Variants in FAM78B observed in about 807,000 individuals in gnomAD.
The protein encoded by FAM78B is family with sequence similarity 78 member B, also known as protein FAM78B.
In FAM78B, 10 loss-of-function variants were observed where a neutral mutation model predicts 20.0. The ratio of observed to expected loss-of-function variants is 0.50; its 90% CI spans 0.31 to 0.85. FAM78B has a LOEUF of 0.85. Ranked by LOEUF, FAM78B falls within the 40% of genes least tolerant of loss-of-function variation. FAM78B has a pLI of 0.05. For synonymous variants in FAM78B, 135 were observed against 132.8 expected (o/e 1.02, Z -0.12); for missense variants, 283 against 345.0 (o/e 0.82, Z 1.42).
intron 1 of FAM78B, among the ~76,000 whole-genome samples, chr1:166,141,026 T>C (rs1655256672): frequency 6.6e-6 from 1 of 152,222 alleles, no homozygotes; most frequent in Non-Finnish European, 1.5e-5. Context: ...GCACTGCCTA[T>C]GTAAACGAAT....
rs151042216 is a variant in FAM78B, at chr1:166,088,267, T to C, written c.264-17504A>G. On this transcript the variant is annotated intron_variant, in intron 1 of 1. Transcript: ENST00000354422. ...AATCAGGTGCTTTATGACTCGTCTGTATTCAGGAGCCCATCAACGCTGCAT... is the reference window on the plus strand; with the variant it reads ...AATCAGGTGCTTTATGACTCGTCTGCATTCAGGAGCCCATCAACGCTGCAT... Among the ~76,000 whole-genome samples the C allele has an allele frequency of 2.6e-3, 389 of 152,336 alleles. 1 individual carries two copies. The highest frequency in any genetic ancestry group is 8.7e-3 in the African/African-American group (363 of 41,580).
At chr1:166,135,278 C>T (rs1336431738) in intron 1 of FAM78B, among the ~76,000 whole-genome samples, 1 of 152,188 alleles carries the variant, frequency 6.6e-6, no homozygotes, top group Non-Finnish European at 1.5e-5. Flanking sequence ...TAAAGTATAA[C>T]AGCAATGACA....
At chr1:166,135,096 G>C (rs569320181) in intron 1 of FAM78B, among the ~76,000 whole-genome samples, 2 of 152,144 alleles carry the variant, frequency 1.3e-5, no homozygotes, top group Admixed American at 1.3e-4. Context: ...GTCCCTACAC[G>C]TTCCCTGAAA....
Position 166,134,551 on chromosome 1 carries a change from G to A in FAM78B, c.263+31435C>T, listed in dbSNP as rs180766849. ...TAATAATAATAATAATAAGTATAAG[G>A]TTAAACTGACCTAAAAAGACTGGAG... is the stretch of plus-strand genomic sequence containing the variant. On this transcript the variant is annotated intron_variant, in intron 1 of 1. Coordinates refer to ENST00000354422, the MANE Select transcript of FAM78B (RefSeq NM_001017961.5). Among the ~76,000 whole-genome samples, 7 of 151,152 alleles carry A rather than the reference G, an allele frequency of 4.6e-5. No individual in the cohort carries two copies. The East Asian group carries it at 1.2e-3, about 26-fold the overall frequency.
At chr1:166,101,959 G>A (rs1653540959) in intron 1 of FAM78B, among the ~76,000 whole-genome samples, 1 of 152,180 alleles carries the variant, frequency 6.6e-6, no homozygotes, top group African/African-American at 2.4e-5. Context: ...CAGCCAGAGA[G>A]AAAGGTCAGG....
At position 166,070,335 on chromosome 1, in the gene FAM78B, G is replaced by C; in HGVS notation, c.692C>G (p.Pro231Arg). ...RILSRMEPIP[P>R]NALVKPNAND... ...GGCATTGGGTTTCACTAGTGCATTA[G>C]GGGGGATGGGTTCCATCCGGCTCAG... Residue 231 changes from proline (P) to arginine (R), a missense_variant, in exon 2 of 2, where the codon CCT becomes CGT. Pro to Arg is a moderately radical substitution (Grantham distance 103). Transcript: ENST00000354422. 1 of 1,610,126 alleles carries C rather than the reference G, an allele frequency of 6.2e-7. No homozygotes were observed. Among genetic ancestry groups the C allele is most frequent in the Non-Finnish European group, 8.5e-7 (1 of 1,177,784 alleles).
Position 166,140,045 on chromosome 1 carries a change from C to T in FAM78B, c.263+25941G>A, listed in dbSNP as rs549901987. On this transcript the variant is annotated intron_variant, in intron 1 of 1. Coordinates refer to ENST00000354422, the MANE Select transcript of FAM78B (RefSeq NM_001017961.5). ...TTCTGCAGACCTTTTCAGAAGACTG[C>T]TTCAAATGAGCAGGAACGAGCTTAG... 1.4e-4 allele frequency among the ~76,000 whole-genome samples: 22 copies of T among 152,330 alleles called. No individual in the cohort carries two copies. The South Asian group carries it at 4.6e-3, about 32-fold the overall frequency.
chr1:166,138,478 A>G (rs906721747), intron 1 of FAM78B, among the ~76,000 whole-genome samples: 1 of 152,034 alleles, frequency 6.6e-6, no homozygotes, highest in Non-Finnish European at 1.5e-5. Context: ...CATCTACCTT[A>G]TCTCTCTTTT....
intron 1 of FAM78B, among the ~76,000 whole-genome samples, chr1:166,147,450 G>A (rs956154785): frequency 6.6e-6 from 1 of 152,222 alleles, no homozygotes. Context: ...CCATAAGGAT[G>A]CTTTAGAGAA....
At chr1:166,111,565 G>C (rs1654059401) in intron 1 of FAM78B, among the ~76,000 whole-genome samples, 1 of 152,182 alleles carries the variant, frequency 6.6e-6, no homozygotes. Flanking sequence ...TCTTGCTTTA[G>C]TTACAAGTTA....
intron 1 of FAM78B, among the ~76,000 whole-genome samples, chr1:166,108,582 T>C (rs1653877070): frequency 6.6e-6 from 1 of 152,160 alleles, no homozygotes; most frequent in South Asian, 2.1e-4. Flanking sequence ...ATGACCATAC[T>C]GCCAAAAGCA....
chr1:166,166,295 C>T lies in FAM78B; in HGVS notation c.-47G>A, dbSNP rs1455579456. 3 of 1,194,684 alleles carry T rather than the reference C, an allele frequency of 2.5e-6. No homozygotes were observed. Among genetic ancestry groups the T allele is most frequent in the Non-Finnish European group, 3.1e-6 (3 of 963,508 alleles). 74.0% of individuals were successfully genotyped at this position (1,194,684 alleles called of 1,614,324 possible). A position where few individuals can be genotyped will look rare whatever the true frequency, so the allele number is the denominator to read the frequency against. ...GGCGCGGCGTGGGGCAGCGCGGGGG[C>T]CCGCGCGGGCAGCCGGGGGCGCCCG... On this transcript the variant is annotated 5_prime_UTR_variant, in exon 1 of 2. Coordinates refer to ENST00000354422, the MANE Select transcript of FAM78B (RefSeq NM_001017961.5).
At chr1:166,119,419 A>G (rs1654384423) in intron 1 of FAM78B, among the ~76,000 whole-genome samples, 1 of 152,198 alleles carries the variant, frequency 6.6e-6, no homozygotes, top group African/African-American at 2.4e-5. Context: ...GTAAAAAACA[A>G]GCCCTATCTA....
intron 1 of FAM78B, among the ~76,000 whole-genome samples, chr1:166,089,094 G>C (rs1652957830): frequency 6.6e-6 from 1 of 152,102 alleles, no homozygotes; most frequent in African/African-American, 2.4e-5. Flanking sequence ...CTGCTCCCTT[G>C]GGCAACTGAG....
chr1:166,066,668 T>C (rs530424144), downstream of FAM78B, among the ~76,000 whole-genome samples: 1 of 152,364 alleles, frequency 6.6e-6, no homozygotes, highest in Non-Finnish European at 1.5e-5. Context: ...AGAAAATGCA[T>C]GTGGAAGGCT....
At chr1:166,063,565 T>G (rs963739573) in intron 2 of FAM78B, among the ~76,000 whole-genome samples, 1 of 138,250 alleles carries the variant, frequency 7.2e-6, no homozygotes, top group Non-Finnish European at 1.6e-5. Context: ...TGTGAAAAAA[T>G]AATAATAAAA....
chr1:166,071,411 C>T (rs6426963), intron 1 of FAM78B, among the ~76,000 whole-genome samples: 9,516 of 152,238 alleles, frequency 0.063, 1,000 homozygotes, highest in African/African-American at 0.22. Context: ...CACTCTAATG[C>T]ACCGCTCTCC....
intron 1 of FAM78B, among the ~76,000 whole-genome samples, chr1:166,114,736 C>A (rs2101762328): frequency 6.6e-6 from 1 of 152,240 alleles, no homozygotes; most frequent in East Asian, 1.9e-4. Flanking sequence ...AGGAGCCTTC[C>A]CAGAAGAGAA....
intron 1 of FAM78B, among the ~76,000 whole-genome samples, chr1:166,113,921 A>G (rs77296446): frequency 0.017 from 2,561 of 152,346 alleles, 79 homozygotes; most frequent in African/African-American, 0.058. Context: ...CAAACTGGTG[A>G]AAACCAGTGA....
Sources: gnomAD v4.1 joint callset for allele counts (sites outside exome capture counted in the v4.1 genomes callset) on GRCh38, gnomAD v4.1.1 for gene constraint, MANE v1.5 for transcripts, NCBI Gene and HGNC (gene_info 2026-07-23, HGNC 2026-07-21) for gene names.